The following ZBTB40 variants were observed in gnomAD, a reference collection of about 807,000 sequenced individuals.
The protein encoded by ZBTB40 is zinc finger and BTB domain containing 40.
A neutral mutation model predicts 117.5 loss-of-function variants in ZBTB40; 60 were observed. The observed-to-expected ratio is 0.51, with a 90% CI of 0.41 to 0.63. ZBTB40 has a LOEUF of 0.63. Ranked by LOEUF, ZBTB40 falls within the 30% of genes least tolerant of loss-of-function variation. ZBTB40 has a pLI of 0.00. For synonymous variants in ZBTB40, 525 were observed against 577.1 expected, an observed-to-expected ratio of 0.91 and a Z score of 1.29; for missense variants, 1,287 against 1,498.5, an observed-to-expected ratio of 0.86 and a Z score of 2.33.
rs528182424 is a variant in ZBTB40, at chr1:22,452,012, T to A, written c.-70+8T>A. The A allele has an allele frequency of 6.5e-6, 1 of 152,864 alleles. No individual in the cohort carries two copies. The highest frequency in any genetic ancestry group is 1.5e-5 in the Non-Finnish European group (1 of 68,388). The allele number at this position is 152,864 out of a possible 1,614,324, so 9.5% of individuals were successfully genotyped here. The stretch of plus-strand genomic sequence containing the variant: ...TGAATCGGTGCTGAACAGGTAACCA[T>A]AGAAACGGGGCTGGGACTCCGCGTG... On this transcript the variant is annotated splice_region_variant and intron_variant, in intron 1 of 17. Coordinates refer to ENST00000375647, the MANE Select transcript of ZBTB40 (RefSeq NM_014870.4).
At chr1:22,518,791 G>A (rs1309548938) in intron 13 of ZBTB40, among the ~76,000 whole-genome samples, 4 of 152,200 alleles carry the variant, frequency 2.6e-5, no homozygotes, top group Non-Finnish European at 5.9e-5. Context: ...TTCCAGATGA[G>A]AGATTTGGCT....
chr1:22,501,032 G>C (rs531890392), intron 3 of ZBTB40, among the ~76,000 whole-genome samples: 4 of 152,168 alleles, frequency 2.6e-5, no homozygotes, highest in Non-Finnish European at 5.9e-5. Flanking sequence ...GGTATAATTA[G>C]GTAAGAAGTG....
intron 1 of ZBTB40, among the ~76,000 whole-genome samples, chr1:22,479,909 C>A (rs539109795): frequency 6.6e-6 from 1 of 152,020 alleles, no homozygotes; most frequent in African/African-American, 2.4e-5. Flanking sequence ...CCTGTAAGTT[C>A]TTTGTTTTTT....
At chr1:22,451,258 G>A (rs1640862502), upstream of ZBTB40, among the ~76,000 whole-genome samples, 1 of 152,176 alleles carries the variant, frequency 6.6e-6, no homozygotes, top group Middle Eastern at 3.2e-3. Flanking sequence ...CCTCGCACGT[G>A]AATGTGTTGT....
rs1320055304 is a variant in ZBTB40 at position 22,521,608 on chromosome 1, C to T, written c.3161C>T (p.Thr1054Ile). The change falls in exon 15 of 18, where the codon ACC becomes ATC. Residue 1054 changes from threonine to isoleucine, a missense_variant. Thr to Ile is a moderately conservative substitution (Grantham distance 89). Around this residue, in one of 2 missense-constraint regions of ZBTB40, gnomAD observed 417 missense variants for 564.1 expected, o/e 0.74. Coordinates refer to ENST00000375647, the MANE Select transcript of ZBTB40 (RefSeq NM_014870.4). ...CTCCAGTGCAGCTCCTGTGACAAAACCTTCCCCAACACCATTGAGCACAAG... is the reference window on the plus strand; with the variant it reads ...CTCCAGTGCAGCTCCTGTGACAAAATCTTCCCCAACACCATTGAGCACAAG... The part of the protein sequence containing the change: ...SSLQCSSCDK[T>I]FPNTIEHKKH... 3.5e-5 allele frequency: 56 copies of T among 1,614,058 alleles called. No individual in the cohort carries two copies. Among genetic ancestry groups the T allele is most frequent in the Non-Finnish European group, 4.5e-5 (53 of 1,180,050 alleles).
intron 1 of ZBTB40, among the ~76,000 whole-genome samples, chr1:22,444,412 C>G (rs1004259972): frequency 1.3e-5 from 2 of 151,980 alleles, no homozygotes; most frequent in South Asian, 4.2e-4. Context: ...GAGACTCCGT[C>G]TCAAAATAAA....
chr1:22,495,040 T>G (rs1416499229), intron 3 of ZBTB40, among the ~76,000 whole-genome samples: 1 of 152,224 alleles, frequency 6.6e-6, no homozygotes, highest in Non-Finnish European at 1.5e-5. Context: ...TGTGATTGGT[T>G]GTTGTTTAGT....
At position 22,528,897 on chromosome 1, in the gene ZBTB40, T is replaced by G. The variant is rs1639754777; in HGVS notation, c.*2501T>G. 6.6e-6 allele frequency: 1 copy of G among 152,326 alleles called. No individual in the cohort carries two copies. Among genetic ancestry groups the G allele is most frequent in the Non-Finnish European group, 1.5e-5 (1 of 68,076 alleles). The allele number at this position is 152,326 out of a possible 1,614,324, so 9.4% of individuals were successfully genotyped here. ...TTGTTTTCTTCGGAATCACCAGATT[T>G]GCAGCTTACTGTGCCGAGAGTGGAC... is the stretch of plus-strand genomic sequence containing the variant. On this transcript the variant is annotated 3_prime_UTR_variant, in exon 18 of 18. Coordinates refer to ENST00000375647, the MANE Select transcript of ZBTB40 (RefSeq NM_014870.4).
At chr1:22,523,011 G>T (rs557071049) in intron 16 of ZBTB40, among the ~76,000 whole-genome samples, 1 of 145,354 alleles carries the variant, frequency 6.9e-6, no homozygotes, top group Non-Finnish European at 1.5e-5. Flanking sequence ...GCAGTGGCGC[G>T]ATCTCGGCTC....
At position 22,437,891 on chromosome 1, in the gene ZBTB40, G is replaced by A. The variant is rs183703087; in HGVS notation, c.-70+8877G>A. Among the ~76,000 whole-genome samples the A allele has an allele frequency of 9.7e-3, 1,470 of 151,604 alleles. 19 individuals carry two copies. The highest frequency in any genetic ancestry group is 0.034 in the African/African-American group (1,394 of 41,354). On this transcript the variant is annotated intron_variant, in intron 1 of 8. Transcript: ENST00000650433. ...CTGTAATCCAGCACTTTGGGAAGCCGAGGCAGGCTGATCACCTGGTCTCAA... is the reference window on the plus strand; with the variant it reads ...CTGTAATCCAGCACTTTGGGAAGCCAAGGCAGGCTGATCACCTGGTCTCAA...
chr1:22,521,858 G>T (rs1270401979), intron 15 of ZBTB40, among the ~76,000 whole-genome samples, 200 bp downstream of exon 15: 1 of 152,202 alleles, frequency 6.6e-6, no homozygotes, highest in Non-Finnish European at 1.5e-5. Flanking sequence ...ACCTGGAAGC[G>T]TAGCGCAGTG....
At chr1:22,448,588 T>C (rs1374984447), upstream of ZBTB40, among the ~76,000 whole-genome samples, 1 of 152,208 alleles carries the variant, frequency 6.6e-6, no homozygotes, top group Non-Finnish European at 1.5e-5. Context: ...CTAACTCTAC[T>C]ATTTAGTAGC....
Position 22,508,041 on chromosome 1 carries a change from A to T in ZBTB40, c.1401A>T (p.Arg467Ser). 3.7e-6 allele frequency: 6 copies of T among 1,614,158 alleles called. No homozygotes were observed. Among genetic ancestry groups the T allele is most frequent in the Non-Finnish European group, 4.2e-6 (5 of 1,180,042 alleles). The change falls in exon 7 of 18, where the codon AGA becomes AGT. Residue 467 changes from arginine to serine, a missense_variant. Transcript: ENST00000375647. ...SPDDYGTELL[R>S]RYHENLSEIF... The stretch of plus-strand genomic sequence containing the variant: ...ATGATTATGGGACTGAGCTATTGAG[A>T]CGCTATCATGAAAACCTCTCTGAGA...
At chr1:22,478,563 T>C (rs983363420) in intron 1 of ZBTB40, among the ~76,000 whole-genome samples, 1 of 152,188 alleles carries the variant, frequency 6.6e-6, no homozygotes, top group Non-Finnish European at 1.5e-5. Context: ...GTAATTTTCT[T>C]ACCTATAAAA....
intron 16 of ZBTB40, among the ~76,000 whole-genome samples, chr1:22,523,199 C>T (rs1639588029): frequency 1.3e-5 from 2 of 151,938 alleles, no homozygotes; most frequent in Admixed American, 1.3e-4. Context: ...GATCCGCCCG[C>T]CTCACCCTCC....
At chr1:22,467,415 C>T (rs1212317193) in intron 1 of ZBTB40, among the ~76,000 whole-genome samples, 1 of 152,174 alleles carries the variant, frequency 6.6e-6, no homozygotes, top group East Asian at 1.9e-4. Context: ...ATTATACTTC[C>T]ATCAGCATTG....
chr1:22,468,262 AAGTT>A (rs776250310), intron 1 of ZBTB40, among the ~76,000 whole-genome samples: 3 of 152,074 alleles, frequency 2.0e-5, no homozygotes, highest in Non-Finnish European at 4.4e-5. Context: ...GTAAGTGTTC[AAGTT>A]AGTTCTGCCA....
At chr1:22,479,329 T>G (rs1349370312) in intron 1 of ZBTB40, among the ~76,000 whole-genome samples, 1 of 152,218 alleles carries the variant, frequency 6.6e-6, no homozygotes, top group African/African-American at 2.4e-5. Flanking sequence ...CTTAGCATAT[T>G]TATCCCTTCT....
chr1:22,490,071 C>A lies in ZBTB40; in HGVS notation c.123C>A (p.Val41=). Residue 41 remains valine, a synonymous_variant, in exon 2 of 18, where the codon GTC becomes GTA. Coordinates refer to ENST00000375647, the MANE Select transcript of ZBTB40 (RefSeq NM_014870.4). ...TTTACTTCAGGGCTCACAAGCTTGT[C>A]CTGGCTGCTGCCAGCCTCCTGTTCA... ...GTIYFRAHKL[V]LAAASLLFKT... The A allele has an allele frequency of 6.2e-7, 1 of 1,614,182 alleles. No individual in the cohort carries two copies.
Sources: gnomAD v4.1 joint callset for allele counts (sites outside exome capture counted in the v4.1 genomes callset) on GRCh38, gnomAD v4.1.1 for gene constraint, gnomAD v4.1.1 regional missense constraint, MANE v1.5 for transcripts, NCBI Gene and HGNC (gene_info 2026-07-23, HGNC 2026-07-21) for gene names.